UGT1A10: variants seen among roughly 807,000 people sequenced by gnomAD.
UGT1A10 encodes UDP glucuronosyltransferase family 1 member A10, also known as UDP-glucuronosyltransferase 1A10.
UGT1A10 carries 49 observed loss-of-function variants against 45.8 expected under a neutral mutation model. That is an observed-to-expected ratio of 1.07 (90% CI 0.85 to 1.36). The LOEUF (loss-of-function observed/expected upper bound fraction) is 1.36, where lower values mean the gene tolerates loss of function less well. Among genes scored for constraint, UGT1A10 ranks in the 40% most tolerant of loss-of-function variants. The pLI, the probability that UGT1A10 is intolerant of heterozygous loss-of-function variation, is 0.00. For missense variants in UGT1A10, 745 were observed against 668.6 expected (o/e 1.11, Z -1.26); for synonymous variants, 284 against 249.7 (o/e 1.14, Z -1.29).
At chr2:233,693,042 C>G (rs1189353497) in intron 1 of UGT1A10, 1 of 1,614,012 alleles carries the variant, frequency 6.2e-7, no homozygotes, top group Non-Finnish European at 8.5e-7. Flanking sequence ...AGAATTTCTG[C>G]AGGGGTTTTC....
At chr2:233,681,908 C>G in intron 1 of UGT1A10, 1 of 1,598,330 alleles carries the variant, frequency 6.3e-7, no homozygotes, top group Middle Eastern at 1.7e-4. Flanking sequence ...CTTAGAATCC[C>G]AGCTGCTGGC....
chr2:233,685,998 TC>T (rs1193956822), intron 1 of UGT1A10, among the ~76,000 whole-genome samples: 1 of 152,170 alleles, frequency 6.6e-6, no homozygotes, highest in Non-Finnish European at 1.5e-5. Flanking sequence ...ATCCTGTACA[TC>T]CTTTGCCTTG....
intron 1 of UGT1A10, among the ~76,000 whole-genome samples, chr2:233,738,054 T>A (rs1271944980): frequency 6.6e-6 from 1 of 152,146 alleles, no homozygotes; most frequent in African/African-American, 2.4e-5. Flanking sequence ...GGACAGGACA[T>A]GGTGGGAGGT....
chr2:233,651,258 T>TC (rs985732405), intron 1 of UGT1A10, among the ~76,000 whole-genome samples: 75 of 152,302 alleles, frequency 4.9e-4, no homozygotes, highest in African/African-American at 1.7e-3. Flanking sequence ...TCCTGCCACT[T>TC]CCTGAACCCA....
intron 1 of UGT1A10, among the ~76,000 whole-genome samples, chr2:233,709,124 G>A (rs1026369673): frequency 6.6e-6 from 1 of 152,064 alleles, no homozygotes; most frequent in Admixed American, 6.5e-5. Flanking sequence ...TAATCATGGT[G>A]GCCAAGGGGA....
chr2:233,756,999 G>C (rs889615552), intron 1 of UGT1A10, among the ~76,000 whole-genome samples: 1 of 151,918 alleles, frequency 6.6e-6, no homozygotes, highest in African/African-American at 2.4e-5. Context: ...AGCTGGCCAA[G>C]GGTAGAGTTC....
chr2:233,724,658 G>C lies in UGT1A10; in HGVS notation c.856-42376G>C, dbSNP rs1029278749. 3.5e-5 allele frequency among the ~76,000 whole-genome samples: 5 copies of C among 142,980 alleles called. 1 individual carries two copies. Among genetic ancestry groups the C allele is most frequent in the African/African-American group, 1.3e-4 (5 of 37,636 alleles). 93.8% of individuals were successfully genotyped at this position (142,980 alleles called of 152,430 possible). On this transcript the variant is annotated intron_variant, in intron 1 of 4. Coordinates refer to ENST00000344644, the MANE Select transcript of UGT1A10 (RefSeq NM_019075.4). ...GATGTGATGGCGGCTGGGAAGAGGC[G>C]CTCCTCACTTCCTAGATGGGATGGC...
chr2:233,744,383 G>A (rs1055889727), intron 1 of UGT1A10, among the ~76,000 whole-genome samples: 51 of 151,842 alleles, frequency 3.4e-4, no homozygotes, highest in African/African-American at 1.2e-3. Flanking sequence ...GTTCTCCAAC[G>A]TTCCAGCCCC....
chr2:233,701,796 C>T (rs969772505), intron 1 of UGT1A10, among the ~76,000 whole-genome samples: 2 of 152,064 alleles, frequency 1.3e-5, no homozygotes, highest in African/African-American at 2.4e-5. Context: ...TTGAAATCAA[C>T]GAGAACAAAG....
intron 1 of UGT1A10, among the ~76,000 whole-genome samples, chr2:233,637,727 C>A (rs2073339465): frequency 6.6e-6 from 1 of 152,046 alleles, no homozygotes; most frequent in Non-Finnish European, 1.5e-5. Context: ...TGTGTACATT[C>A]TTTTCATTGA....
At chr2:233,764,825 G>A (rs1698655202) in intron 1 of UGT1A10, among the ~76,000 whole-genome samples, 1 of 152,070 alleles carries the variant, frequency 6.6e-6, no homozygotes, top group African/African-American at 2.4e-5. Flanking sequence ...ATGCAGCATG[G>A]TGGTGGGGAG....
chr2:233,761,232 A>G, intron 1 of UGT1A10: 1 of 1,613,036 alleles, frequency 6.2e-7, no homozygotes, highest in Non-Finnish European at 8.5e-7. Flanking sequence ...CCCCAGATAT[A>G]TGCTGAGCAA....
At chr2:233,687,356 G>T (rs2074836040) in intron 1 of UGT1A10, among the ~76,000 whole-genome samples, 1 of 152,096 alleles carries the variant, frequency 6.6e-6, no homozygotes, top group African/African-American at 2.4e-5. Context: ...CAGATGGGTG[G>T]ACTGTCTCCT....
rs529215357 is a variant in UGT1A10, at chr2:233,707,210, CT to C, written c.856-59820del. On this transcript the variant is annotated intron_variant, in intron 1 of 4. Coordinates refer to ENST00000344644, the MANE Select transcript of UGT1A10 (RefSeq NM_019075.4). ...GCCCTCCGTTCTATTCCCTTTCCAT[CT>C]TTTCTCTGACTTTTGTGATGATTAT... Among the ~76,000 whole-genome samples, 182 of 152,268 alleles carry C rather than the reference CT, an allele frequency of 1.2e-3. 1 individual carries two copies. The highest frequency in any genetic ancestry group is 4.3e-3 in the African/African-American group (179 of 41,568).
chr2:233,722,743 G>A (rs1388091069), intron 1 of UGT1A10, among the ~76,000 whole-genome samples: 1 of 151,770 alleles, frequency 6.6e-6, no homozygotes, highest in Non-Finnish European at 1.5e-5. Context: ...TTGATGCAGT[G>A]ACTGTCTATA....
chr2:233,764,795 T>A (rs148070412), intron 1 of UGT1A10, among the ~76,000 whole-genome samples: 1 of 152,200 alleles, frequency 6.6e-6, no homozygotes, highest in East Asian at 1.9e-4. Flanking sequence ...CCTCAGGGTG[T>A]TCTTGCTACA....
intron 1 of UGT1A10, chr2:233,693,814 C>T (rs2075182477): frequency 6.2e-7 from 1 of 1,614,220 alleles, no homozygotes; most frequent in Non-Finnish European, 8.5e-7. Context: ...TCATGCCCAA[C>T]ATGGTCTTCA....
intron 1 of UGT1A10, among the ~76,000 whole-genome samples, chr2:233,669,640 C>A (rs1311866498): frequency 6.6e-6 from 1 of 152,016 alleles, no homozygotes; most frequent in East Asian, 1.9e-4. Context: ...AGGTACCAAC[C>A]CCCGAGCAGT....
rs543208517 is a variant in UGT1A10 at position 233,647,792 on chromosome 2, G to A, written c.855+10415G>A. ...CTGTCTTTTTTCCTAATCAGTCTGGGTAGAGATTTATCAAGTTAATTGATT... is the reference window on the plus strand; with the variant it reads ...CTGTCTTTTTTCCTAATCAGTCTGGATAGAGATTTATCAAGTTAATTGATT... On this transcript the variant is annotated intron_variant, in intron 1 of 4. Coordinates refer to ENST00000344644, the MANE Select transcript of UGT1A10 (RefSeq NM_019075.4). 33 of 677,662 alleles carry A rather than the reference G, an allele frequency of 4.9e-5. No homozygotes were observed. The South Asian group carries it at 7.5e-4, about 15-fold the overall frequency. The allele number at this position is 677,662 out of a possible 1,614,324, so 42.0% of individuals were successfully genotyped here.
Sources: allele counts gnomAD v4.1 joint callset (sites outside exome capture counted in the v4.1 genomes callset), GRCh38; gene constraint gnomAD v4.1.1; transcripts MANE v1.5; gene names NCBI Gene and HGNC (gene_info 2026-07-23, HGNC 2026-07-21).